The following CACNA1C variants were observed in gnomAD, a reference collection of about 807,000 sequenced individuals.
The protein encoded by CACNA1C is voltage-dependent L-type calcium channel subunit alpha-1C.
CACNA1C carries 30 observed loss-of-function variants against 229.0 expected under a neutral mutation model. That is an observed-to-expected ratio of 0.13 (90% CI 0.10 to 0.18). The LOEUF (loss-of-function observed/expected upper bound fraction) is 0.18, where lower values mean the gene tolerates loss of function less well. Among genes scored for constraint, CACNA1C ranks in the 10% least tolerant of loss-of-function variants. The probability of loss-of-function intolerance (pLI) is 1.00; values close to 1 mark genes in which losing one functional copy is unlikely to be tolerated. For synonymous variants in CACNA1C, 1,114 were observed against 1,132.5 expected, an observed-to-expected ratio of 0.98 and a Z score of 0.33; for missense variants, 1,658 against 2,845.0, an observed-to-expected ratio of 0.58 and a Z score of 9.49.
chr12:2,636,534 C>G (rs1056804215), intron 30 of CACNA1C, among the ~76,000 whole-genome samples: 8 of 152,182 alleles, frequency 5.3e-5, no homozygotes, highest in Non-Finnish European at 1.0e-4. Context: ...CAACTCTAAA[C>G]TACCCTTTAA....
At chr12:2,576,381 C>T (rs542056971) in intron 13 of CACNA1C, among the ~76,000 whole-genome samples, 8 of 152,248 alleles carry the variant, frequency 5.3e-5, no homozygotes, top group Non-Finnish European at 1.2e-4. Context: ...TGAATGTGAG[C>T]TTGTGGGCAT....
In CACNA1C at chr12:2,073,754, A is replaced by G. The variant is rs1226899618; in HGVS notation, c.49+20143A>G. On this transcript the variant is annotated intron_variant, in intron 1 of 46. Coordinates refer to ENST00000399655, the MANE Select transcript of CACNA1C (RefSeq NM_000719.7). ...TTCCAAGAATTTCAGGCATCAGCAA[A>G]TAAGTTCAGGAGGAATTAGTAAGAT... Among the ~76,000 whole-genome samples the G allele has an allele frequency of 4.6e-5, 7 of 152,236 alleles. 1 individual carries two copies. Among genetic ancestry groups the G allele is most frequent in the Non-Finnish European group, 8.8e-5 (6 of 68,040 alleles).
chr12:2,521,615 G>T (rs933269363), intron 9 of CACNA1C, among the ~76,000 whole-genome samples: 1 of 152,282 alleles, frequency 6.6e-6, no homozygotes, highest in Admixed American at 6.5e-5. Context: ...AGTTCCCCAG[G>T]ATACAAAGCC....
intron 3 of CACNA1C, among the ~76,000 whole-genome samples, chr12:2,376,413 C>T (rs950009022): frequency 1.3e-5 from 2 of 152,144 alleles, no homozygotes; most frequent in Admixed American, 1.3e-4. Context: ...GGGCAAATAG[C>T]ACCGAGATGG....
chr12:2,508,243 G>T (rs1369251481), intron 8 of CACNA1C, among the ~76,000 whole-genome samples: 2 of 152,250 alleles, frequency 1.3e-5, no homozygotes, highest in Non-Finnish European at 2.9e-5. Context: ...GCCCTGCACA[G>T]TAACTCATCC....
chr12:2,405,563 T>C (rs999012716), intron 3 of CACNA1C, among the ~76,000 whole-genome samples: 1 of 152,232 alleles, frequency 6.6e-6, no homozygotes, highest in African/African-American at 2.4e-5. Context: ...TTTATCTACC[T>C]CTAGTGTTTT....
intron 29 of CACNA1C, among the ~76,000 whole-genome samples, chr12:2,631,481 T>A (rs1465610832): frequency 2.6e-5 from 4 of 152,226 alleles, no homozygotes; most frequent in African/African-American, 9.6e-5. Flanking sequence ...ATTTTAAGTC[T>A]TATGCATAGC....
chr12:2,097,411 G>A (rs1018978741), intron 1 of CACNA1C, among the ~76,000 whole-genome samples: 2 of 152,132 alleles, frequency 1.3e-5, no homozygotes, highest in Non-Finnish European at 2.9e-5. Flanking sequence ...CTCCCAAAGT[G>A]CTGGGATTAC....
chr12:2,151,929 T>C (rs1009649091), intron 3 of CACNA1C, among the ~76,000 whole-genome samples: 1 of 152,210 alleles, frequency 6.6e-6, no homozygotes, highest in African/African-American at 2.4e-5. Context: ...CAGAGTATCC[T>C]CTGGGAGATC....
chr12:2,475,155 C>T (rs1053116824), intron 5 of CACNA1C, among the ~76,000 whole-genome samples: 7 of 151,944 alleles, frequency 4.6e-5, no homozygotes, highest in East Asian at 1.9e-4. Context: ...AAAAATTAGC[C>T]GGGCGCAGTA....
At chr12:2,230,504 A>G (rs1304749397) in intron 3 of CACNA1C, among the ~76,000 whole-genome samples, 1 of 152,222 alleles carries the variant, frequency 6.6e-6, no homozygotes, top group African/African-American at 2.4e-5. Flanking sequence ...CTGAGTGTCC[A>G]AAAGGCTAAG....
chr12:2,135,543 C>A (rs1200664529), intron 3 of CACNA1C, among the ~76,000 whole-genome samples: 1 of 131,540 alleles, frequency 7.6e-6, no homozygotes, highest in South Asian at 2.3e-4. Flanking sequence ...CCCTCAGCTG[C>A]AGGTCTGTTG....
At position 2,654,828 on chromosome 12, in the gene CACNA1C, G is replaced by T. The variant is rs191148592; in HGVS notation, c.4141-319G>T. ...GAACTGAAATAGCAAAGAAAATAAC[G>T]CAGTGCGTCCTGTGTCCTGTCAGAA... On this transcript the variant is annotated intron_variant, in intron 33 of 46. Transcript: ENST00000399655. The surrounding 1 kb of genome is among the most constrained non-coding windows in gnomAD (Gnocchi z 4.4). Among the ~76,000 whole-genome samples, 97 of 152,166 alleles carry T rather than the reference G, an allele frequency of 6.4e-4. No homozygotes were observed. Among genetic ancestry groups the T allele is most frequent in the Non-Finnish European group, 1.2e-3 (85 of 68,038 alleles).
intron 3 of CACNA1C, among the ~76,000 whole-genome samples, chr12:2,200,952 A>G (rs990667922): frequency 3.3e-5 from 5 of 152,232 alleles, no homozygotes; most frequent in African/African-American, 7.2e-5. Flanking sequence ...CTTTTATCCA[A>G]TGAAGGTAGC....
chr12:2,327,225 A>C (rs957229631), intron 3 of CACNA1C, among the ~76,000 whole-genome samples: 1 of 152,194 alleles, frequency 6.6e-6, no homozygotes, highest in Non-Finnish European at 1.5e-5. Context: ...CTTGAGATTG[A>C]GGTCCTGGAT....
chr12:1,972,861 A>G (rs2032928753), intron 1 of CACNA1C, among the ~76,000 whole-genome samples: 1 of 152,144 alleles, frequency 6.6e-6, no homozygotes, highest in Non-Finnish European at 1.5e-5. Flanking sequence ...AAAAAGAGAG[A>G]AAAGAAAGAG....
chr12:2,440,594 T>C (rs1230783521), intron 3 of CACNA1C, among the ~76,000 whole-genome samples: 1 of 152,144 alleles, frequency 6.6e-6, no homozygotes, highest in Non-Finnish European at 1.5e-5. Flanking sequence ...CCTCCAGCCA[T>C]ACCTGGCAAG....
rs929415983 is a variant in CACNA1C at position 2,658,623 on chromosome 12, C to T, written c.4232+3385C>T. 4.0e-4 allele frequency among the ~76,000 whole-genome samples: 3 copies of T among 7,572 alleles called. No homozygotes were observed. The Non-Finnish European group carries it at 7.7e-3, about 19-fold the overall frequency. The allele number at this position is 7,572 out of a possible 152,430, so 5.0% of individuals were successfully genotyped here. On this transcript the variant is annotated intron_variant, in intron 34 of 46. Coordinates refer to ENST00000399655, the MANE Select transcript of CACNA1C (RefSeq NM_000719.7). Reference sequence around the variant, plus strand: ...ATTATTTTGCAGTGTACTGCTTCTACTTATTTTTTTTTAAGTTAACCGTAA... The same window carrying T: ...ATTATTTTGCAGTGTACTGCTTCTATTTATTTTTTTTTAAGTTAACCGTAA...
At chr12:2,387,002 C>T (rs773942034) in intron 3 of CACNA1C, among the ~76,000 whole-genome samples, 1 of 152,204 alleles carries the variant, frequency 6.6e-6, no homozygotes, top group Non-Finnish European at 1.5e-5. Flanking sequence ...AGATGGTTCT[C>T]ACAGCTCTTT....
Sources: gnomAD v4.1 joint callset for allele counts (sites outside exome capture counted in the v4.1 genomes callset) on GRCh38, gnomAD v4.1.1 for gene constraint, Gnocchi (gnomAD v3.1) non-coding constraint, MANE v1.5 for transcripts, NCBI Gene and HGNC (gene_info 2026-07-23, HGNC 2026-07-21) for gene names.